DPH6: variants seen among roughly 807,000 people sequenced by gnomAD.
The protein encoded by DPH6 is diphthamine biosynthesis 6, also known as diphthine--ammonia ligase.
In DPH6, 33 loss-of-function variants were observed where a neutral mutation model predicts 38.2. The ratio of observed to expected loss-of-function variants is 0.86; its 90% CI spans 0.65 to 1.15. The LOEUF (loss-of-function observed/expected upper bound fraction) is 1.15, where lower values mean the gene tolerates loss of function less well. Among genes scored for constraint, DPH6 ranks in the 50% most tolerant of loss-of-function variants. DPH6 has a pLI of 0.00. For synonymous variants in DPH6, 108 were observed against 103.0 expected (o/e 1.05, Z -0.30); for missense variants, 325 against 320.0 (o/e 1.02, Z -0.12).
chr15:35,457,353 G>T (rs1038162712), intron 3 of DPH6, among the ~76,000 whole-genome samples: 1 of 152,062 alleles, frequency 6.6e-6, no homozygotes, highest in Non-Finnish European at 1.5e-5. Flanking sequence ...ACCATCAGTT[G>T]TATTTGTTCA....
intron 3 of DPH6, among the ~76,000 whole-genome samples, chr15:35,473,236 T>C (rs2054219246): frequency 1.3e-5 from 2 of 152,146 alleles, no homozygotes; most frequent in Non-Finnish European, 2.9e-5. Context: ...CATTTTTATA[T>C]AAAGCCCACA....
intron 3 of DPH6, among the ~76,000 whole-genome samples, chr15:35,532,250 G>A (rs2141538601): frequency 6.6e-6 from 1 of 152,294 alleles, no homozygotes; most frequent in Non-Finnish European, 1.5e-5. Flanking sequence ...AATGTGTTTG[G>A]ACTATATCTT....
At chr15:35,145,929 A>G in the DPH6 span, among the ~76,000 whole-genome samples, 1 of 152,220 alleles carries the variant, frequency 6.6e-6, no homozygotes, top group African/African-American at 2.4e-5. Context: ...ATAGTATATG[A>G]AACATTTAAA....
intron 3 of DPH6, among the ~76,000 whole-genome samples, chr15:35,286,906 C>A (rs1348183223): frequency 6.6e-6 from 1 of 152,130 alleles, no homozygotes; most frequent in East Asian, 1.9e-4. Context: ...CTGACCAAGG[C>A]AAATTATCTG....
At position 35,401,700 on chromosome 15, in the gene DPH6, C is replaced by T. The variant is rs1174291076; in HGVS notation, c.567+9135G>A. On this transcript the variant is annotated intron_variant, in intron 6 of 8. Coordinates refer to ENST00000256538, the MANE Select transcript of DPH6 (RefSeq NM_080650.4). ...TGTTGGAGGCCAATACTTTGCCAAA[C>T]CACGACACCAAGGTGGCTATGGTGG... The T allele has an allele frequency of 9.5e-6, 7 of 734,698 alleles. No individual in the cohort carries two copies. In the East Asian group the frequency reaches 1.5e-4, roughly 16 times the overall value. 45.5% of individuals were successfully genotyped at this position (734,698 alleles called of 1,614,324 possible). A position where few individuals can be genotyped will look rare whatever the true frequency, so the allele number is the denominator to read the frequency against.
At chr15:35,235,225 C>G (rs1316827555) in intron 3 of DPH6, among the ~76,000 whole-genome samples, 1 of 152,180 alleles carries the variant, frequency 6.6e-6, no homozygotes, top group African/African-American at 2.4e-5. Flanking sequence ...CAATGACTGT[C>G]TAGTCCAGGG....
intron 3 of DPH6, among the ~76,000 whole-genome samples, chr15:35,221,378 C>G (rs1451214930): frequency 6.6e-6 from 1 of 152,190 alleles, no homozygotes; most frequent in Non-Finnish European, 1.5e-5. Context: ...ACCCCCATGG[C>G]TCCACTAAGT....
chr15:35,380,780 C>T (rs77036522), intron 7 of DPH6, among the ~76,000 whole-genome samples: 3,709 of 152,184 alleles, frequency 0.024, 70 homozygotes, highest in South Asian at 0.047. Flanking sequence ...CACCTTTTAT[C>T]GTAATTACAC....
rs572820031 is a variant in DPH6 at position 35,448,671 on chromosome 15, G to A, written c.505+2014C>T. ...TAATAGAATGGACAATTAAATTGTG[G>A]TGTTAATTAAATTTAATTAAATTAC... On this transcript the variant is annotated intron_variant, in intron 5 of 8. Transcript: ENST00000256538. Among the ~76,000 whole-genome samples the A allele has an allele frequency of 9.2e-5, 14 of 152,132 alleles. No individual in the cohort carries two copies. The South Asian group carries it at 1.7e-3, about 18-fold the overall frequency.
At chr15:35,519,207 T>G (rs577745484) in intron 3 of DPH6, 2 of 152,010 alleles carry the variant, frequency 1.3e-5, no homozygotes, top group East Asian at 3.9e-4. Context: ...TTTAAATCAA[T>G]GCTAATGAAT....
intron 3 of DPH6, among the ~76,000 whole-genome samples, chr15:35,334,785 A>G (rs1046517828): frequency 8.6e-5 from 13 of 151,892 alleles, no homozygotes; most frequent in African/African-American, 3.1e-4. Flanking sequence ...TATGTACCAG[A>G]TTTTCTTTAT....
At chr15:35,206,829 ATT>A in the DPH6 span, among the ~76,000 whole-genome samples, 1 of 152,112 alleles carries the variant, frequency 6.6e-6, no homozygotes, top group Non-Finnish European at 1.5e-5. Context: ...TATTTGGAAT[ATT>A]TCCATTTATC....
At chr15:35,314,453 G>C (rs2052170787) in intron 3 of DPH6, among the ~76,000 whole-genome samples, 1 of 152,118 alleles carries the variant, frequency 6.6e-6, no homozygotes, top group South Asian at 2.1e-4. Flanking sequence ...TTCAAAATCG[G>C]TCATAAAGCA....
the DPH6 span, among the ~76,000 whole-genome samples, chr15:35,162,188 T>C: frequency 1.3e-5 from 2 of 151,922 alleles, no homozygotes; most frequent in Admixed American, 6.6e-5. Context: ...GCTTCCAGTC[T>C]TTCACATGCC....
intron 5 of DPH6, among the ~76,000 whole-genome samples, chr15:35,443,879 A>G (rs549998406): frequency 2.6e-5 from 4 of 152,354 alleles, no homozygotes; most frequent in East Asian, 3.9e-4. Context: ...CAAAATAAAT[A>G]TGAAGTTGAG....
At chr15:35,423,656 G>C (rs1264889150) in intron 5 of DPH6, among the ~76,000 whole-genome samples, 1 of 151,582 alleles carries the variant, frequency 6.6e-6, no homozygotes, top group Non-Finnish European at 1.5e-5. Flanking sequence ...TTTCTTCAAG[G>C]AGTTTTACAT....
At chr15:35,401,357 G>T in intron 6 of DPH6, 1 of 755,870 alleles carries the variant, frequency 1.3e-6, no homozygotes, top group Non-Finnish European at 2.4e-6. Context: ...GGTGCTGATG[G>T]GTATGGCGGC....
At chr15:35,515,545 C>T (rs2054833682) in intron 3 of DPH6, among the ~76,000 whole-genome samples, 1 of 151,804 alleles carries the variant, frequency 6.6e-6, no homozygotes, top group Admixed American at 6.6e-5. Context: ...CATGGTGAAA[C>T]CCCGTCTCTA....
At chr15:35,512,197 A>G (rs2054784037) in intron 3 of DPH6, among the ~76,000 whole-genome samples, 1 of 152,138 alleles carries the variant, frequency 6.6e-6, no homozygotes, top group African/African-American at 2.4e-5. Flanking sequence ...TGATTAAACT[A>G]CTTTTACTAA....
Sources: gnomAD v4.1 joint callset for allele counts (sites outside exome capture counted in the v4.1 genomes callset) on GRCh38, gnomAD v4.1.1 for gene constraint, MANE v1.5 for transcripts, NCBI Gene and HGNC (gene_info 2026-07-23, HGNC 2026-07-21) for gene names.